The following TNRC6B variants were observed in gnomAD, a reference collection of about 807,000 sequenced individuals.
The protein encoded by TNRC6B is trinucleotide repeat-containing gene 6B protein.
A neutral mutation model predicts 203.6 loss-of-function variants in TNRC6B; 52 were observed. The ratio of observed to expected loss-of-function variants is 0.26; its 90% CI spans 0.20 to 0.32. The LOEUF (loss-of-function observed/expected upper bound fraction) is 0.32, where lower values mean the gene tolerates loss of function less well. Among genes scored for constraint, TNRC6B ranks in the 10% least tolerant of loss-of-function variants. The pLI is 1.00. For missense variants in TNRC6B, 1,923 were observed against 2,286.2 expected (o/e 0.84, Z 3.24); for synonymous variants, 838 against 845.7 (o/e 0.99, Z 0.16).
Position 40,324,708 on chromosome 22 carries a change from C to G in TNRC6B, c.*1467C>G, listed in dbSNP as rs1359884300. The G allele has an allele frequency of 6.6e-6, 1 of 152,574 alleles. No homozygotes were observed. The highest frequency in any genetic ancestry group is 1.5e-5 in the Non-Finnish European group (1 of 68,040). 9.5% of individuals were successfully genotyped at this position (152,574 alleles called of 1,614,324 possible). A position where few individuals can be genotyped will look rare whatever the true frequency, so the allele number is the denominator to read the frequency against. ...AACCAGTGTGTACTTCAAGCGTTTC[C>G]TTTTGTTTCTCTGTGTTGTGTATTT... On this transcript the variant is annotated 3_prime_UTR_variant, in exon 23 of 23. Transcript: ENST00000454349.
intron 1 of TNRC6B, among the ~76,000 whole-genome samples, chr22:40,048,742 G>A (rs958057607): frequency 1.3e-5 from 2 of 152,060 alleles, no homozygotes; most frequent in African/African-American, 4.8e-5. Context: ...GGATCAGAAC[G>A]GTTCCATCAC....
At chr22:40,269,257 C>T (rs1288315364) in intron 5 of TNRC6B, among the ~76,000 whole-genome samples, 1 of 149,810 alleles carries the variant, frequency 6.7e-6, no homozygotes, top group East Asian at 2.0e-4. Flanking sequence ...CTCAGCCTCC[C>T]GAATAGCTGG....
At chr22:40,161,178 G>C (rs1455183545) in intron 4 of TNRC6B, among the ~76,000 whole-genome samples, 1 of 152,140 alleles carries the variant, frequency 6.6e-6, no homozygotes, top group East Asian at 1.9e-4. Flanking sequence ...CTTGCCTTGA[G>C]AAGTCTTTCC....
chr22:40,058,912 C>G (rs950316185), intron 1 of TNRC6B, among the ~76,000 whole-genome samples: 1 of 152,190 alleles, frequency 6.6e-6, no homozygotes, highest in Non-Finnish European at 1.5e-5. Flanking sequence ...AAATAGCTCT[C>G]TAGTCAGTTG....
At chr22:40,125,010 C>G (rs1484296792) in intron 2 of TNRC6B, among the ~76,000 whole-genome samples, 1 of 141,706 alleles carries the variant, frequency 7.1e-6, no homozygotes, top group African/African-American at 2.9e-5. Context: ...AAGACTGTGT[C>G]TCAAAAAAAA....
At chr22:40,056,811 AAAAG>A (rs1455416964) in intron 1 of TNRC6B, among the ~76,000 whole-genome samples, 59 of 148,410 alleles carry the variant, frequency 4.0e-4, no homozygotes, top group Middle Eastern at 3.4e-3. Flanking sequence ...AAAAAAAAAA[AAAAG>A]AAAGAAAAAT....
At chr22:40,284,530 G>A (rs986007613) in intron 11 of TNRC6B, among the ~76,000 whole-genome samples, 1 of 152,226 alleles carries the variant, frequency 6.6e-6, no homozygotes, top group Non-Finnish European at 1.5e-5. Flanking sequence ...TGTGGAATTG[G>A]TGGGTCATGG....
intron 4 of TNRC6B, among the ~76,000 whole-genome samples, chr22:40,171,156 A>ATTTTTTT (rs747786805): frequency 1.6e-5 from 2 of 124,418 alleles, no homozygotes; most frequent in Non-Finnish European, 3.4e-5. Context: ...ATAAATGCTA[A>ATTTTTTT]TTTTTTTTTT....
chr22:40,235,433 C>T (rs5757884), intron 1 of TNRC6B, among the ~76,000 whole-genome samples: 1 of 151,934 alleles, frequency 6.6e-6, no homozygotes, highest in South Asian at 2.1e-4. Flanking sequence ...TCCAGGACCA[C>T]GTCATCCCTA....
chr22:40,264,578 G>T, intron 4 of TNRC6B, 110 bp from the exon 5 acceptor site: 1 of 1,202,626 alleles, frequency 8.3e-7, no homozygotes, highest in East Asian at 2.6e-5. Context: ...AGAGAAACTG[G>T]CATGTGATCA....
intron 1 of TNRC6B, among the ~76,000 whole-genome samples, chr22:40,198,264 G>T (rs1018883269): frequency 1.3e-5 from 2 of 152,120 alleles, no homozygotes; most frequent in African/African-American, 4.8e-5. Context: ...GTTCTTCATA[G>T]ATGATGCAAA....
chr22:40,284,920 T>A (rs945007234), intron 11 of TNRC6B, among the ~76,000 whole-genome samples: 3 of 152,182 alleles, frequency 2.0e-5, no homozygotes, highest in African/African-American at 7.2e-5. Context: ...ATAACCCAAC[T>A]CTCTTAGTTA....
At chr22:40,273,649 A>G (rs1190940183) in intron 7 of TNRC6B, 49 bp downstream of exon 7, 1 of 1,488,464 alleles carries the variant, frequency 6.7e-7, no homozygotes, top group Non-Finnish European at 9.0e-7. Flanking sequence ...CTGAGAAGGC[A>G]GAACTGAGGT....
At chr22:40,296,820 GT>G (rs2070950943) in intron 12 of TNRC6B, among the ~76,000 whole-genome samples, 1 of 152,114 alleles carries the variant, frequency 6.6e-6, no homozygotes, top group Admixed American at 6.5e-5. Context: ...TAGAGAGAGG[GT>G]TTTGCCATGT....
intron 1 of TNRC6B, among the ~76,000 whole-genome samples, chr22:40,088,955 T>A (rs1233711835): frequency 1.3e-5 from 2 of 152,006 alleles, no homozygotes; most frequent in African/African-American, 4.8e-5. Flanking sequence ...TCTTAGTGGG[T>A]ATATGCCCTG....
At chr22:40,224,317 C>A (rs1325243698) in intron 1 of TNRC6B, among the ~76,000 whole-genome samples, 1 of 152,132 alleles carries the variant, frequency 6.6e-6, no homozygotes, top group Non-Finnish European at 1.5e-5. Flanking sequence ...TCTTCGTATA[C>A]TTTGAATACT....
Position 40,264,997 on chromosome 22 carries a change from T to C in TNRC6B, c.767T>C (p.Leu256Pro), listed in dbSNP as rs1022626653. Residue 256 changes from leucine (L) to proline (P), a missense_variant, in exon 5 of 23, where the codon CTT (leucine) becomes CCT (proline). Coordinates refer to ENST00000454349, the MANE Select transcript of TNRC6B (RefSeq NM_001162501.2). Reference sequence around the variant, plus strand: ...GCAAGTTCTGGGAACGAATGTAATCTTGGGGTCTGGAAATCTGACCCTAAG... The same window carrying C: ...GCAAGTTCTGGGAACGAATGTAATCCTGGGGTCTGGAAATCTGACCCTAAG... ...QSASSGNECN[L>P]GVWKSDPKAK... The C allele has an allele frequency of 6.2e-7, 1 of 1,613,954 alleles. No homozygotes were observed. Among genetic ancestry groups the C allele is most frequent in the Non-Finnish European group, 8.5e-7 (1 of 1,179,884 alleles).
chr22:40,298,402 G>T (rs2070974390), intron 12 of TNRC6B, among the ~76,000 whole-genome samples: 1 of 152,150 alleles, frequency 6.6e-6, no homozygotes, highest in Non-Finnish European at 1.5e-5. Context: ...TCTTCACCAA[G>T]AAATGGAAGG....
intron 1 of TNRC6B, chr22:40,107,011 T>C (rs1328866497): frequency 5.3e-6 from 6 of 1,128,354 alleles, no homozygotes; most frequent in Non-Finnish European, 7.9e-6. Flanking sequence ...ACTTTTTTCT[T>C]AAGGATTTCT....
Sources: gnomAD v4.1 joint callset for allele counts (sites outside exome capture counted in the v4.1 genomes callset) on GRCh38, gnomAD v4.1.1 for gene constraint, MANE v1.5 for transcripts, NCBI Gene and HGNC (gene_info 2026-07-23, HGNC 2026-07-21) for gene names.